ENOX1: variants seen among roughly 807,000 people sequenced by gnomAD.
ENOX1 encodes ecto-NOX disulfide-thiol exchanger 1, also known as candidate growth-related and time keeping constitutive hydroquinone (NADH) oxidase.
A neutral mutation model predicts 82.5 loss-of-function variants in ENOX1; 42 were observed. The observed-to-expected ratio is 0.51, with a 90% CI of 0.40 to 0.66. The LOEUF (loss-of-function observed/expected upper bound fraction) is 0.66. Ranked by LOEUF, ENOX1 falls within the 30% of genes least tolerant of loss-of-function variation. ENOX1 has a pLI of 0.00. For missense variants in ENOX1, 608 were observed against 811.6 expected, an observed-to-expected ratio of 0.75 and a Z score of 3.05; for synonymous variants, 271 against 282.2, an observed-to-expected ratio of 0.96 and a Z score of 0.40.
At chr13:43,431,753 A>G (rs2055679375) in intron 3 of ENOX1, among the ~76,000 whole-genome samples, 1 of 152,110 alleles carries the variant, frequency 6.6e-6, no homozygotes, top group South Asian at 2.1e-4. Flanking sequence ...TTGATTTTCT[A>G]TATTCCTGAT....
chr13:43,600,112 G>C (rs750776822), intron 2 of ENOX1, among the ~76,000 whole-genome samples: 2 of 152,030 alleles, frequency 1.3e-5, no homozygotes, highest in Admixed American at 6.6e-5. Flanking sequence ...AAGTGGCTAT[G>C]GGGAAGGACC....
chr13:43,724,702 TAA>T (rs1019170340), intron 1 of ENOX1, among the ~76,000 whole-genome samples: 1 of 152,212 alleles, frequency 6.6e-6, no homozygotes, highest in African/African-American at 2.4e-5. Flanking sequence ...AAAATGAACT[TAA>T]AGAGTCTGGA....
intron 1 of ENOX1, among the ~76,000 whole-genome samples, chr13:43,725,364 C>T (rs1455854017): frequency 6.6e-6 from 1 of 151,896 alleles, no homozygotes; most frequent in Non-Finnish European, 1.5e-5. Context: ...ACTAACTGGA[C>T]CTTTATAATC....
chr13:43,368,174 A>T (rs566555420), intron 5 of ENOX1, among the ~76,000 whole-genome samples: 102 of 152,342 alleles, frequency 6.7e-4, no homozygotes, highest in African/African-American at 2.4e-3. Flanking sequence ...TAAACCTAAG[A>T]TGTGTATCCA....
chr13:43,509,820 C>T (rs77680873), intron 2 of ENOX1, among the ~76,000 whole-genome samples: 2,075 of 151,930 alleles, frequency 0.014, 41 homozygotes, highest in African/African-American at 0.046. Flanking sequence ...AAAATGAAAG[C>T]TGGTTTGCTT....
At chr13:43,583,260 T>C (rs2080831757) in intron 2 of ENOX1, among the ~76,000 whole-genome samples, 1 of 152,164 alleles carries the variant, frequency 6.6e-6, no homozygotes, top group Non-Finnish European at 1.5e-5. Flanking sequence ...AAATTAAATA[T>C]TGACAAATAG....
intron 16 of ENOX1, among the ~76,000 whole-genome samples, chr13:43,215,009 G>A (rs544188031): frequency 1.3e-5 from 2 of 152,262 alleles, no homozygotes; most frequent in East Asian, 3.9e-4. Flanking sequence ...TCAGCAAATG[G>A]AAATAACATT....
chr13:43,294,266 CA>C (rs1160238728), intron 12 of ENOX1, among the ~76,000 whole-genome samples: 1 of 152,160 alleles, frequency 6.6e-6, no homozygotes, highest in African/African-American at 2.4e-5. Context: ...TGGTATCCTG[CA>C]GTTATCCAAA....
chr13:43,460,811 A>T (rs1566278793), intron 3 of ENOX1, among the ~76,000 whole-genome samples: 2 of 104,088 alleles, frequency 1.9e-5, no homozygotes, highest in African/African-American at 6.8e-5. Context: ...AAAAAAAAAA[A>T]AAAAAAAAAA....
At chr13:43,342,465 T>C (rs2049122901) in intron 9 of ENOX1, among the ~76,000 whole-genome samples, 1 of 152,112 alleles carries the variant, frequency 6.6e-6, no homozygotes, top group African/African-American at 2.4e-5. Context: ...AAGCAAGGAT[T>C]CCACTTTTGA....
chr13:43,422,248 G>C (rs2055021977), intron 3 of ENOX1, among the ~76,000 whole-genome samples: 1 of 152,184 alleles, frequency 6.6e-6, no homozygotes, highest in Non-Finnish European at 1.5e-5. Context: ...AGGTTACAGT[G>C]ATGTTCTCCT....
intron 14 of ENOX1, among the ~76,000 whole-genome samples, chr13:43,252,922 T>C (rs1202786196): frequency 6.6e-6 from 1 of 152,120 alleles, no homozygotes; most frequent in Admixed American, 6.6e-5. Flanking sequence ...AGTTTTGAGG[T>C]TGGAAGGATT....
intron 14 of ENOX1, among the ~76,000 whole-genome samples, chr13:43,252,562 C>G (rs2043518069): frequency 1.3e-5 from 2 of 152,230 alleles, no homozygotes; most frequent in African/African-American, 4.8e-5. Flanking sequence ...ATGTGAATGT[C>G]TTTTCCTTTG....
At chr13:43,413,736 T>G (rs1328957143) in intron 3 of ENOX1, among the ~76,000 whole-genome samples, 1 of 147,530 alleles carries the variant, frequency 6.8e-6, no homozygotes, top group Non-Finnish European at 1.5e-5. Flanking sequence ...TATATATTTA[T>G]ATATAGTCTT....
intron 2 of ENOX1, among the ~76,000 whole-genome samples, chr13:43,556,941 C>G (rs980820942): frequency 6.6e-6 from 1 of 152,192 alleles, no homozygotes; most frequent in Non-Finnish European, 1.5e-5. Context: ...GGTAAAAGAC[C>G]TGAGCTACAT....
chr13:43,465,505 C>T lies in ENOX1; in HGVS notation c.-75+18504G>A, dbSNP rs1329111990. Among the ~76,000 whole-genome samples the T allele has an allele frequency of 2.0e-5, 3 of 152,018 alleles. No individual in the cohort carries two copies. The East Asian group carries it at 5.8e-4, about 29-fold the overall frequency. On this transcript the variant is annotated intron_variant, in intron 3 of 16. Transcript: ENST00000690772. ...GATCTTGTATTTTTACTGTCCCAGC[C>T]ACAAACTCAGTCATTTCTCTGAGGA...
chr13:43,543,969 T>G (rs1593736042), intron 2 of ENOX1: 1 of 138,880 alleles, frequency 7.2e-6, no homozygotes, highest in Admixed American at 8.2e-5. Flanking sequence ...CAGGCTGGAG[T>G]GCAGCAGCAC....
intron 5 of ENOX1, among the ~76,000 whole-genome samples, chr13:43,364,439 G>A (rs2050716844): frequency 6.6e-6 from 1 of 152,124 alleles, no homozygotes; most frequent in South Asian, 2.1e-4. Flanking sequence ...CACAGACCGT[G>A]GCCCTGTCTG....
intron 2 of ENOX1, among the ~76,000 whole-genome samples, chr13:43,660,661 G>T (rs1038448835): frequency 6.6e-6 from 1 of 152,104 alleles, no homozygotes; most frequent in Admixed American, 6.6e-5. Context: ...AATTAAAGAG[G>T]TCCTTAAATT....
Sources: allele counts gnomAD v4.1 joint callset (sites outside exome capture counted in the v4.1 genomes callset), GRCh38; gene constraint gnomAD v4.1.1; transcripts MANE v1.5; gene names NCBI Gene and HGNC (gene_info 2026-07-23, HGNC 2026-07-21).